The following CREBBP variants were observed in gnomAD, a reference collection of about 807,000 sequenced individuals.
CREBBP encodes CREB binding lysine acetyltransferase, also known as CREB-binding protein.
Under a neutral mutation model 265.0 loss-of-function variants are expected in CREBBP, and 19 were observed. That is an observed-to-expected ratio of 0.07 (90% confidence interval 0.05 to 0.11). The LOEUF (loss-of-function observed/expected upper bound fraction) is 0.11, where lower values mean the gene tolerates loss of function less well. Among genes scored for constraint, CREBBP ranks in the 10% least tolerant of loss-of-function variants. The pLI is 1.00. For synonymous variants in CREBBP, 1,457 were observed against 1,223.7 expected, an observed-to-expected ratio of 1.19 and a Z score of -3.98; for missense variants, 2,525 against 3,219.0, an observed-to-expected ratio of 0.78 and a Z score of 5.22.
In CREBBP at chr16:3,810,786, C is replaced by T. The variant is rs1567331530; in HGVS notation, c.799-7G>A. On this transcript the variant is annotated splice_region_variant and splice_polypyrimidine_tract_variant and intron_variant, in intron 2 of 30. Transcript: ENST00000262367. Reference sequence around the variant, plus strand: ...TGTTCCCAGTTATTCCCATCTGAAACAAAAAAGAGGTAACATCAGCTGTGG... The same window carrying T: ...TGTTCCCAGTTATTCCCATCTGAAATAAAAAAGAGGTAACATCAGCTGTGG... 6.2e-7 allele frequency: 1 copy of T among 1,612,344 alleles called. No individual in the cohort carries two copies. Among genetic ancestry groups the T allele is most frequent in the Non-Finnish European group, 8.5e-7 (1 of 1,179,488 alleles).
At chr16:3,843,924 G>A (rs895383722) in intron 2 of CREBBP, among the ~76,000 whole-genome samples, 7 of 151,404 alleles carry the variant, frequency 4.6e-5, no homozygotes, top group South Asian at 2.1e-4. Flanking sequence ...CGAGGCGGGC[G>A]GATCACGAGG....
rs766135729 is a variant in CREBBP, at chr16:3,852,679, G to A, written c.86-1670C>T. Among the ~76,000 whole-genome samples, 109 of 152,236 alleles carry A rather than the reference G, an allele frequency of 7.2e-4. No homozygotes were observed. In the Middle Eastern group the frequency reaches 0.017, roughly 24 times the overall value. ...CATACAGGAAGATGAGAAGCACAGT[G>A]ACTCCCGACTATAAATGGACAAAAG... is the stretch of plus-strand genomic sequence containing the variant. On this transcript the variant is annotated intron_variant, in intron 1 of 30. Transcript: ENST00000262367.
intron 27 of CREBBP, 154 bp downstream of exon 27, chr16:3,736,496 T>C (rs1019156668): frequency 6.2e-6 from 7 of 1,137,170 alleles, no homozygotes; most frequent in Admixed American, 5.9e-5. Context: ...CTGAAGAAAA[T>C]GCTTCTAAGT....
intron 3 of CREBBP, among the ~76,000 whole-genome samples, chr16:3,794,514 G>T (rs565769991): frequency 1.3e-5 from 2 of 152,242 alleles, no homozygotes; most frequent in Non-Finnish European, 2.9e-5. Flanking sequence ...TCTCCTAAAA[G>T]AATAATGACA....
intron 19 of CREBBP, among the ~76,000 whole-genome samples, chr16:3,756,409 C>T (rs541405682): frequency 2.4e-4 from 37 of 152,350 alleles, no homozygotes; most frequent in African/African-American, 5.8e-4. Context: ...TCCAAAACTA[C>T]GCAAGCTGTA....
intron 8 of CREBBP, among the ~76,000 whole-genome samples, chr16:3,779,179 A>AG (rs1164516155): frequency 1.4e-5 from 2 of 144,860 alleles, no homozygotes; most frequent in South Asian, 2.1e-4. Flanking sequence ...AAAAAGAAGA[A>AG]AAAAAAAAAA....
intron 1 of CREBBP, among the ~76,000 whole-genome samples, chr16:3,876,889 G>A (rs962448485): frequency 2.0e-5 from 3 of 152,138 alleles, no homozygotes; most frequent in Non-Finnish European, 4.4e-5. Flanking sequence ...ATGACCTTCG[G>A]GAGTGCTGTT....
rs1176459822 is a variant in CREBBP, at chr16:3,808,917, G to A, written c.975+1686C>T. ...AAGCACAGGAGAGAACGGGATCTGT[G>A]TGGTGCCAGAGCCCAGCATTATGCA... is the stretch of plus-strand genomic sequence containing the variant. On this transcript the variant is annotated intron_variant, in intron 3 of 30. Coordinates refer to ENST00000262367, the MANE Select transcript of CREBBP (RefSeq NM_004380.3). Among the ~76,000 whole-genome samples the A allele has an allele frequency of 3.3e-5, 5 of 152,190 alleles. No individual in the cohort carries two copies. In the East Asian group the frequency reaches 9.6e-4, roughly 29 times the overall value.
intron 3 of CREBBP, among the ~76,000 whole-genome samples, chr16:3,805,079 A>T (rs1009621226): frequency 1.2e-4 from 19 of 152,230 alleles, no homozygotes; most frequent in Admixed American, 9.2e-4. Flanking sequence ...TTCCCAGCTG[A>T]TACTTATTGC....
chr16:3,865,132 TA>T (rs2055151831), intron 1 of CREBBP, among the ~76,000 whole-genome samples: 1 of 152,266 alleles, frequency 6.6e-6, no homozygotes, highest in Admixed American at 6.5e-5. Flanking sequence ...TTTCACATTT[TA>T]AGACTCTACC....
At chr16:3,867,275 T>G (rs982192231) in intron 1 of CREBBP, among the ~76,000 whole-genome samples, 1 of 152,144 alleles carries the variant, frequency 6.6e-6, no homozygotes, top group African/African-American at 2.4e-5. Context: ...TGACATGGAA[T>G]TAATTTTAAA....
chr16:3,849,420 T>TG (rs1414749294), intron 2 of CREBBP, among the ~76,000 whole-genome samples: 4 of 6,782 alleles, frequency 5.9e-4, no homozygotes, highest in African/African-American at 5.2e-4. Context: ...TGTGTGTGTG[T>TG]GTGTGTGTGT....
chr16:3,725,819 G>T lies in CREBBP; in HGVS notation c.*1899C>A. The T allele has an allele frequency of 4.3e-6, 1 of 233,210 alleles. No individual in the cohort carries two copies. The highest frequency in any genetic ancestry group is 8.5e-6 in the Non-Finnish European group (1 of 118,010). The allele number at this position is 233,210 out of a possible 1,614,324, so 14.4% of individuals were successfully genotyped here. A position where few individuals can be genotyped will look rare whatever the true frequency, so the allele number is the denominator to read the frequency against. The stretch of plus-strand genomic sequence containing the variant: ...CCCAAACGGAAGCTATTTGGGGCGT[G>T]ATTTCTAAAATTACCATCACCCCCA... On this transcript the variant is annotated 3_prime_UTR_variant, in exon 31 of 31. Transcript: ENST00000262367.
chr16:3,806,538 C>A (rs771959915), intron 3 of CREBBP, among the ~76,000 whole-genome samples: 8 of 152,168 alleles, frequency 5.3e-5, no homozygotes, highest in East Asian at 1.9e-4. Flanking sequence ...GAAGATGAGG[C>A]CCCTCTGGTC....
intron 3 of CREBBP, among the ~76,000 whole-genome samples, chr16:3,800,084 C>A (rs1436108542): frequency 6.6e-6 from 1 of 152,150 alleles, no homozygotes. Context: ...GCTTTAGTCA[C>A]AGAACATAAA....
At chr16:3,732,418 C>G (rs573781347) in intron 28 of CREBBP, among the ~76,000 whole-genome samples, 143 of 152,318 alleles carry the variant, frequency 9.4e-4, no homozygotes, top group Admixed American at 3.9e-3. Context: ...GCGGGGTCCA[C>G]TCAAGGCCCA....
At chr16:3,768,874 C>A (rs2052928893) in intron 15 of CREBBP, among the ~76,000 whole-genome samples, 1 of 152,184 alleles carries the variant, frequency 6.6e-6, no homozygotes, top group African/African-American at 2.4e-5. Flanking sequence ...CTGTAGTCTA[C>A]CTCTGCAGAA....
chr16:3,765,552 A>C (rs1471222267), intron 16 of CREBBP, among the ~76,000 whole-genome samples: 1 of 152,260 alleles, frequency 6.6e-6, no homozygotes, highest in Non-Finnish European at 1.5e-5. Flanking sequence ...AGGACAACTG[A>C]CAGTATTTGT....
At chr16:3,735,214 C>T (rs141810409) in intron 28 of CREBBP, among the ~76,000 whole-genome samples, 4 of 152,338 alleles carry the variant, frequency 2.6e-5, no homozygotes, top group African/African-American at 4.8e-5. Context: ...AGCTCTGCCA[C>T]GCTCAGAGCA....
Sources: allele counts gnomAD v4.1 joint callset (sites outside exome capture counted in the v4.1 genomes callset), GRCh38; gene constraint gnomAD v4.1.1; transcripts MANE v1.5; gene names NCBI Gene and HGNC (gene_info 2026-07-23, HGNC 2026-07-21).